The following ACTR3C variants were observed in gnomAD, a reference collection of about 807,000 sequenced individuals.
ACTR3C encodes the protein actin related protein 3C.
Under a neutral mutation model 26.3 loss-of-function variants are expected in ACTR3C, and 18 were observed. The observed-to-expected ratio is 0.68, with a 90% CI of 0.47 to 1.01. The LOEUF (loss-of-function observed/expected upper bound fraction) is 1.01, where lower values mean the gene tolerates loss of function less well. Ranked by LOEUF, ACTR3C falls within the 50% of genes least tolerant of loss-of-function variation. ACTR3C has a pLI of 0.00. For synonymous variants in ACTR3C, 55 were observed against 94.5 expected (o/e 0.58, Z 2.42); for missense variants, 184 against 250.7 (o/e 0.73, Z 1.80).
chr7:150,172,334 C>A, the ACTR3C span, among the ~76,000 whole-genome samples: 3 of 150,488 alleles, frequency 2.0e-5, no homozygotes, highest in African/African-American at 7.5e-5. Flanking sequence ...GTGAAAGGCA[C>A]TTCTTACGTG....
intron 6 of ACTR3C, among the ~76,000 whole-genome samples, chr7:150,278,903 C>T (rs1835098129): frequency 6.6e-6 from 1 of 152,178 alleles, no homozygotes; most frequent in South Asian, 2.1e-4. Flanking sequence ...AGGACTTCAT[C>T]TGAATAAAAT....
the ACTR3C span, among the ~76,000 whole-genome samples, chr7:150,080,619 C>T: frequency 1.3e-5 from 2 of 151,556 alleles, no homozygotes; most frequent in African/African-American, 2.4e-5. Context: ...GCTGTACACC[C>T]AGAGTCTGGT....
chr7:150,156,155 C>G, the ACTR3C span, among the ~76,000 whole-genome samples: 1 of 151,870 alleles, frequency 6.6e-6, no homozygotes, highest in East Asian at 1.9e-4. Context: ...CCTGACTCAT[C>G]CGTCATTCTG....
At chr7:150,195,892 A>C in the ACTR3C span, among the ~76,000 whole-genome samples, 1 of 152,176 alleles carries the variant, frequency 6.6e-6, no homozygotes, top group African/African-American at 2.4e-5. Flanking sequence ...AAAAAATAAT[A>C]ATAATTTCAT....
At chr7:150,138,217 T>G in the ACTR3C span, among the ~76,000 whole-genome samples, 3 of 152,162 alleles carry the variant, frequency 2.0e-5, no homozygotes, top group Admixed American at 2.0e-4. Flanking sequence ...CCATATGATC[T>G]TAGACTGTTA....
chr7:150,041,754 G>GGTGGAAGAGGGACTGGCTCTCA, the ACTR3C span, among the ~76,000 whole-genome samples: 1 of 145,208 alleles, frequency 6.9e-6, no homozygotes, highest in African/African-American at 2.6e-5. Flanking sequence ...AGAGCCAGGG[G>GGTGGAAGAGGGACTGGCTCTCA]GGGGAAGAGG....
the ACTR3C span, among the ~76,000 whole-genome samples, chr7:150,085,998 A>T: frequency 2.0e-5 from 3 of 149,996 alleles, no homozygotes. Context: ...TTTTTTTGAC[A>T]CAGAGTCTCA....
the ACTR3C span, among the ~76,000 whole-genome samples, chr7:149,912,638 A>T: frequency 6.6e-6 from 1 of 151,628 alleles, no homozygotes; most frequent in South Asian, 2.1e-4. Context: ...CAGTAGCTGG[A>T]ATTACAGGCG....
the ACTR3C span, among the ~76,000 whole-genome samples, chr7:150,131,571 A>C: frequency 1.3e-5 from 2 of 152,302 alleles, no homozygotes; most frequent in East Asian, 3.9e-4. Flanking sequence ...CCAGGACAGG[A>C]GCTACACCAC....
the ACTR3C span, among the ~76,000 whole-genome samples, chr7:150,163,605 G>T: frequency 6.6e-6 from 1 of 151,792 alleles, no homozygotes; most frequent in African/African-American, 2.4e-5. Context: ...ATGATTAGGA[G>T]GCTGAGAAGT....
the ACTR3C span, among the ~76,000 whole-genome samples, chr7:149,911,939 G>C: frequency 6.7e-6 from 1 of 149,758 alleles, no homozygotes; most frequent in African/African-American, 2.5e-5. Flanking sequence ...AAGCCCAGGA[G>C]TTCGAGGTTG....
At chr7:150,100,075 G>A in the ACTR3C span, among the ~76,000 whole-genome samples, 3 of 151,580 alleles carry the variant, frequency 2.0e-5, no homozygotes, top group Non-Finnish European at 2.9e-5. Context: ...CAGGAAACTC[G>A]GCTCTTCTGA....
the ACTR3C span, among the ~76,000 whole-genome samples, chr7:150,170,257 C>T: frequency 6.6e-6 from 1 of 150,584 alleles, no homozygotes; most frequent in Non-Finnish European, 1.5e-5. Context: ...CGGCTTCCCT[C>T]AGAATGAGTG....
chr7:149,907,534 T>C, the ACTR3C span, among the ~76,000 whole-genome samples: 1 of 134,054 alleles, frequency 7.5e-6, no homozygotes. Flanking sequence ...AGCCCAACAA[T>C]GTAACTGTTC....
At chr7:150,216,564 T>G in the ACTR3C span, among the ~76,000 whole-genome samples, 2 of 152,192 alleles carry the variant, frequency 1.3e-5, no homozygotes, top group Non-Finnish European at 2.9e-5. Flanking sequence ...CAGCTCTATT[T>G]GTGTGATCTT....
the ACTR3C span, among the ~76,000 whole-genome samples, chr7:150,141,021 CAA>C: frequency 6.6e-6 from 1 of 152,376 alleles, no homozygotes; most frequent in African/African-American, 2.4e-5. Flanking sequence ...TCCCTTAAGA[CAA>C]AGCCTAATCC....
At chr7:150,196,034 C>A in the ACTR3C span, among the ~76,000 whole-genome samples, 1 of 152,208 alleles carries the variant, frequency 6.6e-6, no homozygotes, top group Non-Finnish European at 1.5e-5. Flanking sequence ...TGTTCTTCAG[C>A]AATTGAACAT....
At chr7:149,912,126 A>G in the ACTR3C span, among the ~76,000 whole-genome samples, 2 of 152,040 alleles carry the variant, frequency 1.3e-5, no homozygotes, top group South Asian at 4.1e-4. Context: ...TTTAATTTGT[A>G]TAGTGGTGAG....
At chr7:150,006,399 G>A in the ACTR3C span, among the ~76,000 whole-genome samples, 5 of 147,392 alleles carry the variant, frequency 3.4e-5, no homozygotes, top group Non-Finnish European at 7.5e-5. Context: ...GGGTTTCACT[G>A]TGTTAGCCAG....
Sources: allele counts gnomAD v4.1 joint callset (sites outside exome capture counted in the v4.1 genomes callset), GRCh38; gene constraint gnomAD v4.1.1; transcripts MANE v1.5; gene names NCBI Gene and HGNC (gene_info 2026-07-23, HGNC 2026-07-21).